The following SDHB variants were observed in gnomAD, a reference collection of about 807,000 sequenced individuals.
SDHB encodes succinate dehydrogenase complex iron sulfur subunit B.
A neutral mutation model predicts 39.7 loss-of-function variants in SDHB; 21 were observed. The observed-to-expected ratio is 0.53, with a 90% CI of 0.37 to 0.76. The LOEUF (loss-of-function observed/expected upper bound fraction) is 0.76, where lower values mean the gene tolerates loss of function less well. Ranked by LOEUF, SDHB falls within the 30% of genes least tolerant of loss-of-function variation. The pLI is 0.00. For missense variants in SDHB, 343 were observed against 350.9 expected, an observed-to-expected ratio of 0.98 and a Z score of 0.18; for synonymous variants, 118 against 117.0, an observed-to-expected ratio of 1.01 and a Z score of -0.06.
intron 2 of SDHB, among the ~76,000 whole-genome samples, chr1:17,043,243 G>A (rs12747579): frequency 0.42 from 63,957 of 151,952 alleles, 15,117 homozygotes; most frequent in Non-Finnish European, 0.54. Context: ...TTATAGTCAT[G>A]AGCCACCGCG....
At chr1:17,032,700 A>G in intron 3 of SDHB, 1 of 343,808 alleles carries the variant, frequency 2.9e-6, no homozygotes, top group Non-Finnish European at 5.6e-6. Flanking sequence ...CCTGCTGGAC[A>G]AGCATAAGTG....
At chr1:17,022,567 T>C (rs1424994513) in intron 7 of SDHB, 41 bp downstream of exon 7, 1 of 1,611,782 alleles carries the variant, frequency 6.2e-7, no homozygotes, top group Non-Finnish European at 8.5e-7. Context: ...TTCTGGCGTG[T>C]CAGCTCTGAG....
At chr1:17,044,629 G>T in intron 2 of SDHB, 132 bp downstream of exon 2, 1 of 1,134,682 alleles carries the variant, frequency 8.8e-7, no homozygotes, top group Non-Finnish European at 1.3e-6. Context: ...CCCGGCCCAA[G>T]CTCATTCTTG....
intron 7 of SDHB, among the ~76,000 whole-genome samples, chr1:17,020,974 C>T (rs1172665911): frequency 6.6e-6 from 1 of 152,194 alleles, no homozygotes; most frequent in Non-Finnish European, 1.5e-5. Context: ...ACTGGCCACC[C>T]TACAGTTTTC....
chr1:17,036,707 TATATAA>T (rs1038634784), intron 2 of SDHB, among the ~76,000 whole-genome samples: 8 of 145,652 alleles, frequency 5.5e-5, no homozygotes, highest in African/African-American at 1.5e-4. Context: ...TAAATATGAA[TATATAA>T]ATATAAATAT....
chr1:17,030,521 T>G (rs1482085132), intron 3 of SDHB, among the ~76,000 whole-genome samples: 1 of 152,180 alleles, frequency 6.6e-6, no homozygotes, highest in African/African-American at 2.4e-5. Context: ...CATGAGAATT[T>G]TCTTAGCCTG....
At chr1:17,021,710 T>C (rs1484782870) in intron 7 of SDHB, among the ~76,000 whole-genome samples, 2 of 150,016 alleles carry the variant, frequency 1.3e-5, no homozygotes, top group African/African-American at 2.5e-5. Flanking sequence ...GATCGTGCCA[T>C]TGCACTCCAG....
At chr1:17,028,819 G>A in intron 3 of SDHB, 83 bp from the exon 4 acceptor site, 3 of 1,542,290 alleles carry the variant, frequency 1.9e-6, no homozygotes, top group African/African-American at 2.7e-5. Flanking sequence ...GATCCTCCTT[G>A]CTGTGCCATC....
At chr1:17,025,233 T>C (rs995633370) in intron 5 of SDHB, among the ~76,000 whole-genome samples, 1 of 152,154 alleles carries the variant, frequency 6.6e-6, no homozygotes, top group Non-Finnish European at 1.5e-5. Context: ...TTAATGCTTA[T>C]GAACAATTTT....
chr1:17,032,587 G>A, intron 3 of SDHB: 1 of 212,452 alleles, frequency 4.7e-6, no homozygotes. Flanking sequence ...GGCACCAGCA[G>A]CACAAGTAAC....
chr1:17,028,547 A>C, intron 4 of SDHB, 53 bp downstream of exon 4: 1 of 1,596,336 alleles, frequency 6.3e-7, no homozygotes, highest in Non-Finnish European at 8.6e-7. Flanking sequence ...TAACACACAT[A>C]GCACTGCCCC....
chr1:17,051,944 C>T (rs1383932981), intron 1 of SDHB, among the ~76,000 whole-genome samples: 2 of 151,810 alleles, frequency 1.3e-5, no homozygotes, highest in African/African-American at 4.8e-5. Context: ...CAGGTTCAAG[C>T]AATTCTCCTG....
intron 3 of SDHB, among the ~76,000 whole-genome samples, chr1:17,031,423 AT>A (rs1289603412): frequency 6.6e-6 from 1 of 151,970 alleles, no homozygotes; most frequent in Non-Finnish European, 1.5e-5. Context: ...ATTCTGCTTT[AT>A]TTTTTTTAGT....
At chr1:17,039,462 CTG>C (rs1227984251) in intron 2 of SDHB, among the ~76,000 whole-genome samples, 1 of 150,466 alleles carries the variant, frequency 6.6e-6, no homozygotes, top group African/African-American at 2.4e-5. Context: ...TGGTACATGC[CTG>C]TAGTCCCAGG....
intron 2 of SDHB, among the ~76,000 whole-genome samples, chr1:17,033,850 A>G (rs1011603915): frequency 1.3e-5 from 2 of 152,270 alleles, no homozygotes; most frequent in Admixed American, 6.5e-5. Context: ...TCTTTACAGC[A>G]GCATCTGACA....
In SDHB at chr1:17,018,858, A is replaced by T. The variant is rs755040707; in HGVS notation, c.*23T>A. On this transcript the variant is annotated 3_prime_UTR_variant, in exon 8 of 8. Coordinates refer to ENST00000375499, the MANE Select transcript of SDHB (RefSeq NM_003000.3). Reference sequence around the variant, plus strand: ...TATGTTCAGCTCTGAGCTGGTTATAAATCATGTTTAGCATGGAAACAGTTA... The same window carrying T: ...TATGTTCAGCTCTGAGCTGGTTATATATCATGTTTAGCATGGAAACAGTTA... 4 of 1,565,220 alleles carry T rather than the reference A, an allele frequency of 2.6e-6. No homozygotes were observed. The African/African-American group carries it at 5.4e-5, about 21-fold the overall frequency.
chr1:17,043,389 TAAG>T (rs1275049422), intron 2 of SDHB, among the ~76,000 whole-genome samples: 6 of 152,222 alleles, frequency 3.9e-5, no homozygotes, highest in African/African-American at 1.2e-4. Flanking sequence ...TTTGTCTATT[TAAG>T]AAGGTTATAT....
In SDHB at chr1:17,044,897, T is replaced by A; in HGVS notation, c.73-9A>T. ...TGGGCTCCTCGGGAGGCCTGAAATT[T>A]TTTAAAGTTCACAAAAAGGAAAAAA... On this transcript the variant is annotated splice_polypyrimidine_tract_variant and intron_variant, in intron 1 of 7. Transcript: ENST00000375499. 1 of 1,613,192 alleles carries A rather than the reference T, an allele frequency of 6.2e-7. No homozygotes were observed. The highest frequency in any genetic ancestry group is 8.5e-7 in the Non-Finnish European group (1 of 1,179,822).
chr1:17,033,665 C>T (rs778866101), intron 2 of SDHB, among the ~76,000 whole-genome samples: 6 of 152,206 alleles, frequency 3.9e-5, no homozygotes, highest in South Asian at 4.1e-4. Context: ...CATCCCTGGG[C>T]GTGGGACCTG....
Sources: gnomAD v4.1 joint callset for allele counts (sites outside exome capture counted in the v4.1 genomes callset) on GRCh38, gnomAD v4.1.1 for gene constraint, MANE v1.5 for transcripts, NCBI Gene and HGNC (gene_info 2026-07-23, HGNC 2026-07-21) for gene names.